PKHD1L1: variants seen among roughly 807,000 people sequenced by gnomAD.
PKHD1L1 encodes fibrocystin-L.
In PKHD1L1, 434 loss-of-function variants were observed where a neutral mutation model predicts 462.9. The ratio of observed to expected loss-of-function variants is 0.94; its 90% CI spans 0.87 to 1.02. The LOEUF is 1.02. PKHD1L1 is among the 50% of genes least tolerant of loss of function. The pLI is 0.00. For missense variants in PKHD1L1, 5,202 were observed against 5,096.1 expected, an observed-to-expected ratio of 1.02 and a Z score of -0.63; for synonymous variants, 1,781 against 1,750.0, an observed-to-expected ratio of 1.02 and a Z score of -0.44.
chr8:109,529,983 T>C, intron 77 of PKHD1L1, 97 bp from the exon 78 acceptor site: 1 of 781,440 alleles, frequency 1.3e-6, no homozygotes, highest in Non-Finnish European at 1.8e-6. Context: ...AACTGTACCA[T>C]AAAAATGAGA....
intron 63 of PKHD1L1, among the ~76,000 whole-genome samples, chr8:109,496,162 A>G (rs1279285552): frequency 6.6e-6 from 1 of 152,218 alleles, no homozygotes; most frequent in Non-Finnish European, 1.5e-5. Flanking sequence ...CTAGGCTCCA[A>G]GAAATGATGG....
At position 109,441,374 on chromosome 8, in the gene PKHD1L1, A is replaced by T; in HGVS notation, c.4199A>T (p.Asp1400Val). 6.5e-7 allele frequency: 1 copy of T among 1,533,742 alleles called. No homozygotes were observed. The highest frequency in any genetic ancestry group is 8.9e-7 in the Non-Finnish European group (1 of 1,120,924). ...NIFRITNNGK[D>V]SVHGLGYAWS... is the part of the protein sequence containing the mutation. ...TTCAGGATTACCAACAATGGGAAAG[A>T]TTCAGGTATCAGCCATTTATATACT... The change falls in exon 34 of 78, where the codon GAT becomes GTT. Residue 1400 changes from aspartate (D) to valine (V), a missense_variant. Asp to Val is a radical substitution (Grantham distance 152). Around this residue, in one of 3 missense-constraint regions of PKHD1L1, gnomAD observed 4,497 missense variants for 4,336.8 expected, o/e 1.04. Transcript: ENST00000378402.
At chr8:109,528,791 C>T (rs890091515) in intron 77 of PKHD1L1, among the ~76,000 whole-genome samples, 4 of 152,178 alleles carry the variant, frequency 2.6e-5, no homozygotes, top group Non-Finnish European at 5.9e-5. Context: ...GTATGCCTTA[C>T]ATATTATAAG....
At position 109,498,303 on chromosome 8, in the gene PKHD1L1, T is replaced by G. The variant is rs1431085509; in HGVS notation, c.10600-159T>G. ...TTTTTAGTAGAGACGGGGTTTCACC[T>G]TGTTAGCCAGGATGGTCTCGATCTC... On this transcript the variant is annotated intron_variant, in intron 65 of 77. Coordinates refer to ENST00000378402, the MANE Select transcript of PKHD1L1 (RefSeq NM_177531.6). 3.4e-5 allele frequency among the ~76,000 whole-genome samples: 2 copies of G among 58,710 alleles called. 1 individual carries two copies. The highest frequency in any genetic ancestry group is 1.8e-3 in the South Asian group (2 of 1,106). 38.5% of individuals were successfully genotyped at this position (58,710 alleles called of 152,430 possible).
At chr8:109,436,540 G>A in intron 30 of PKHD1L1, 81 bp downstream of exon 30, 14 of 1,555,216 alleles carry the variant, frequency 9.0e-6, no homozygotes, top group Admixed American at 2.0e-5. Flanking sequence ...GGGGCGGGGG[G>A]TGAAACAAGT....
At position 109,518,232 on chromosome 8, in the gene PKHD1L1, A is replaced by C; in HGVS notation, c.11755A>C (p.Met3919Leu). The C allele has an allele frequency of 3.7e-6, 6 of 1,611,356 alleles. No individual in the cohort carries two copies. The highest frequency in any genetic ancestry group is 5.1e-6 in the Non-Finnish European group (6 of 1,177,848). ...AAACTACTTTGATGGAACCTACCAGATGCTTTATCTTTTGGTTAAAGGAAC... is the reference window on the plus strand; with the variant it reads ...AAACTACTTTGATGGAACCTACCAGCTGCTTTATCTTTTGGTTAAAGGAAC... ...GENYFDGTYQ[M>L]LYLLVKGTIP... Residue 3919 changes from methionine to leucine, a missense_variant, in exon 73 of 78, where the codon ATG becomes CTG. Transcript: ENST00000378402.
intron 63 of PKHD1L1, 103 bp downstream of exon 63, chr8:109,493,854 C>A: frequency 1.6e-6 from 1 of 615,902 alleles, no homozygotes; most frequent in South Asian, 4.3e-5. Context: ...GATGTCTTTT[C>A]CTTCCGGGCA....
chr8:109,420,208 G>T (rs938563275), intron 22 of PKHD1L1, among the ~76,000 whole-genome samples: 6 of 152,142 alleles, frequency 3.9e-5, no homozygotes, highest in African/African-American at 1.4e-4. Context: ...AACCACAGAA[G>T]GCTGCAGGAA....
At position 109,507,726 on chromosome 8, in the gene PKHD1L1, AGACATAGATGGCTCCTTTCTGGG is replaced by A. The variant is rs1428186202; in HGVS notation, c.11061_11083del (p.Asp3687GlufsTer12). ...ATGCCAAGAGGAAATCTTTTCTTAG[AGACATAGATGGCTCCTTTCTGGG>A]GAATGCTGGTTCTGTGATACCTCAA... is the stretch of plus-strand genomic sequence containing the variant. On this transcript the variant is annotated frameshift_variant, in exon 69 of 78. Coordinates refer to ENST00000378402, the MANE Select transcript of PKHD1L1 (RefSeq NM_177531.6). LOFTEE classifies it high-confidence loss of function. The A allele has an allele frequency of 6.2e-7, 1 of 1,613,384 alleles. No individual in the cohort carries two copies. The highest frequency in any genetic ancestry group is 1.3e-5 in the African/African-American group (1 of 74,864).
At position 109,384,072 on chromosome 8, in the gene PKHD1L1, A is replaced by C; in HGVS notation, c.420A>C (p.Ala140=). The change falls in exon 5 of 78, where the codon GCA becomes GCC. Residue 140 remains alanine (A), a splice_region_variant and synonymous_variant. Coordinates refer to ENST00000378402, the MANE Select transcript of PKHD1L1 (RefSeq NM_177531.6). ...HINSWECTFN[A]KSFRTPTIRS... is the part of the protein sequence containing the mutation. The stretch of plus-strand genomic sequence containing the variant: ...TATTGACATTATTCTTTTTACAGGC[A>C]AAAAGTTTTAGAACCCCAACAATAA... The C allele has an allele frequency of 6.2e-7, 1 of 1,606,456 alleles. No homozygotes were observed. The highest frequency in any genetic ancestry group is 8.5e-7 in the Non-Finnish European group (1 of 1,173,552).
At chr8:109,465,614 A>T (rs1817397667) in intron 49 of PKHD1L1, among the ~76,000 whole-genome samples, 1 of 152,166 alleles carries the variant, frequency 6.6e-6, no homozygotes, top group Non-Finnish European at 1.5e-5. Flanking sequence ...TGCTTACATC[A>T]CTACCCTAAT....
intron 55 of PKHD1L1, chr8:109,480,566 A>C (rs987509708): frequency 1.1e-5 from 5 of 455,150 alleles, no homozygotes; most frequent in African/African-American, 8.0e-5. Context: ...AGAGAAAATA[A>C]ATCAAAATGT....
chr8:109,404,892 T>C (rs1360994287), intron 15 of PKHD1L1, 103 bp from the exon 16 acceptor site: 1 of 1,078,828 alleles, frequency 9.3e-7, no homozygotes, highest in Admixed American at 3.2e-5. Flanking sequence ...TTGTCATTTG[T>C]AGTAAAATAG....
At chr8:109,407,466 G>A (rs910686171) in intron 17 of PKHD1L1, among the ~76,000 whole-genome samples, 1 of 152,100 alleles carries the variant, frequency 6.6e-6, no homozygotes, top group African/African-American at 2.4e-5. Flanking sequence ...CCAACAAAAA[G>A]GGTCAAAAAG....
rs374182485 is a variant in PKHD1L1, at chr8:109,400,123, C to G, written c.1060C>G (p.Arg354Gly). The G allele has an allele frequency of 9.9e-6, 16 of 1,613,188 alleles. No homozygotes were observed. The highest frequency in any genetic ancestry group is 1.6e-4 in the Middle Eastern group (1 of 6,084). The change falls in exon 13 of 78, where the codon CGT becomes GGT. Residue 354 changes from arginine to glycine, a missense_variant. Coordinates refer to ENST00000378402, the MANE Select transcript of PKHD1L1 (RefSeq NM_177531.6). The part of the protein sequence containing the change: ...LEVWNNSRPI[R>G]LEEILEYNEK... Reference sequence around the variant, plus strand: ...GGTGTGGAATAATAGCCGTCCAATACGTTTGGAAGAGATACTGGAATACAA... The same window carrying G: ...GGTGTGGAATAATAGCCGTCCAATAGGTTTGGAAGAGATACTGGAATACAA...
Position 109,527,019 on chromosome 8 carries a change from A to C in PKHD1L1, c.12720A>C (p.Leu4240Phe), listed in dbSNP as rs1820852714. Residue 4240 changes from leucine (L) to phenylalanine (F), a missense_variant and splice_region_variant, in exon 77 of 78, where the codon TTA (leucine) becomes TTC (phenylalanine). By Grantham distance (22) the Leu-to-Phe change is conservative. Coordinates refer to ENST00000378402, the MANE Select transcript of PKHD1L1 (RefSeq NM_177531.6). ...CAGTTTCAACTTTGAATATAACTTT[A>C]AGTAAGTACAGTCCATTAATACATT... ...MAAVSTLNIT[L>F]RSY 2 of 1,594,816 alleles carry C rather than the reference A, an allele frequency of 1.3e-6. No homozygotes were observed. The highest frequency in any genetic ancestry group is 2.2e-5 in the South Asian group (2 of 90,130).
At chr8:109,457,208 T>TA (rs1816874599) in intron 46 of PKHD1L1, among the ~76,000 whole-genome samples, 1 of 152,180 alleles carries the variant, frequency 6.6e-6, no homozygotes, top group Non-Finnish European at 1.5e-5. Context: ...AACTTAAATT[T>TA]AAAATTCAAG....
At position 109,440,806 on chromosome 8, in the gene PKHD1L1, G is replaced by A. The variant is rs886276282; in HGVS notation, c.4053G>A (p.Arg1351=). The A allele has an allele frequency of 1.9e-6, 3 of 1,613,012 alleles. No homozygotes were observed. The highest frequency in any genetic ancestry group is 2.5e-6 in the Non-Finnish European group (3 of 1,179,260). ...TTGGTGGAACTGAAATCACCATAAG[G>A]GGTTTTGGATTCAGCACAATACCAG... The part of the protein sequence containing the change: ...SLFGGTEITI[R]GFGFSTIPAE... Residue 1351 remains arginine, a synonymous_variant, in exon 33 of 78, where the codon AGG becomes AGA. Transcript: ENST00000378402.
At chr8:109,394,020 A>G (rs1423684235) in intron 9 of PKHD1L1, among the ~76,000 whole-genome samples, 1 of 151,950 alleles carries the variant, frequency 6.6e-6, no homozygotes, top group Non-Finnish European at 1.5e-5. Context: ...AAAAATACAA[A>G]AAAATTAGCT....
Sources: gnomAD v4.1 joint callset for allele counts (sites outside exome capture counted in the v4.1 genomes callset) on GRCh38, gnomAD v4.1.1 for gene constraint, gnomAD v4.1.1 regional missense constraint, MANE v1.5 for transcripts, NCBI Gene and HGNC (gene_info 2026-07-23, HGNC 2026-07-21) for gene names.